CDRT4: variants seen among roughly 807,000 people sequenced by gnomAD.
CDRT4 encodes CMT1A duplicated region transcript 4 protein.
For missense variants in CDRT4, 167 were observed against 193.1 expected, an observed-to-expected ratio of 0.87 and a Z score of 0.80; for synonymous variants, 64 against 69.6, an observed-to-expected ratio of 0.92 and a Z score of 0.40.
chr17:15,448,923 G>A (rs1484855438), intron 2 of CDRT4, among the ~76,000 whole-genome samples: 1 of 152,174 alleles, frequency 6.6e-6, no homozygotes, highest in Non-Finnish European at 1.5e-5. Context: ...CAGCCCAGCA[G>A]TCCTTGACCT....
chr17:15,465,136 CAA>C (rs1491433266), intron 1 of CDRT4, among the ~76,000 whole-genome samples: 2 of 109,028 alleles, frequency 1.8e-5, no homozygotes, highest in Non-Finnish European at 3.3e-5. Context: ...CACACAGATA[CAA>C]ACACAGACAC....
In CDRT4 at chr17:15,464,287, T is replaced by G. The variant is rs1293949975; in HGVS notation, c.-130+3173A>C. Among the ~76,000 whole-genome samples, 1 of 152,044 alleles carries G rather than the reference T, an allele frequency of 6.6e-6. No individual in the cohort carries two copies. The highest frequency in any genetic ancestry group is 2.4e-5 in the African/African-American group (1 of 41,354). On this transcript the variant is annotated intron_variant, in intron 1 of 3. Coordinates refer to ENST00000619038, the MANE Select transcript of CDRT4 (RefSeq NM_001204477.2). The surrounding 1 kb of genome is among the most constrained non-coding windows in gnomAD (Gnocchi z 4.5). ...GCCTTCAGGTTTGAGAGCTGATGCA[T>G]CCATACTCCAAATAGACCTTGAGCC...
chr17:15,456,738 G>A (rs768032473), intron 1 of CDRT4, among the ~76,000 whole-genome samples: 5 of 152,064 alleles, frequency 3.3e-5, no homozygotes, highest in Non-Finnish European at 7.4e-5. Context: ...AGAGACTGGC[G>A]CCCCACCAAA....
At chr17:15,463,772 A>T (rs141646379) in intron 1 of CDRT4, among the ~76,000 whole-genome samples, 103 of 152,160 alleles carry the variant, frequency 6.8e-4, no homozygotes, top group African/African-American at 2.3e-3. Flanking sequence ...TCTTCTGAGC[A>T]TCCTCCCGCC....
intron 1 of CDRT4, among the ~76,000 whole-genome samples, chr17:15,459,767 G>A (rs77960935): frequency 0.025 from 3,749 of 152,170 alleles, 154 homozygotes; most frequent in African/African-American, 0.086. Flanking sequence ...CATTTCTAAA[G>A]AGATGCACCA....
intron 3 of CDRT4, among the ~76,000 whole-genome samples, 190 bp downstream of exon 3, chr17:15,440,018 A>G (rs540528298): frequency 6.6e-6 from 1 of 152,142 alleles, no homozygotes; most frequent in African/African-American, 2.4e-5. Flanking sequence ...CAGCACACCA[A>G]CATGTCACAT....
intron 2 of CDRT4, among the ~76,000 whole-genome samples, chr17:15,452,337 C>T (rs1041250222): frequency 2.6e-5 from 4 of 152,204 alleles, no homozygotes; most frequent in Non-Finnish European, 4.4e-5. Flanking sequence ...ATTGCAGTTG[C>T]CTGTTAAGGA....
chr17:15,444,289 G>GA (rs543458851), intron 2 of CDRT4: 27 of 482,866 alleles, frequency 5.6e-5, no homozygotes, highest in East Asian at 1.4e-4. Flanking sequence ...TATTGATTTG[G>GA]AAAAAAAATG....
intron 1 of CDRT4, among the ~76,000 whole-genome samples, chr17:15,456,319 G>C (rs1206473833): frequency 1.3e-5 from 2 of 152,148 alleles, no homozygotes; most frequent in Admixed American, 1.3e-4. Flanking sequence ...CGGGGGGAAG[G>C]CTCAGAGATG....
chr17:15,466,236 A>G (rs768418513), intron 1 of CDRT4, among the ~76,000 whole-genome samples: 1 of 152,174 alleles, frequency 6.6e-6, no homozygotes, highest in Non-Finnish European at 1.5e-5. Context: ...TGCCTCTCTC[A>G]TACTGACTCA....
At chr17:15,442,429 A>C (rs1376101316) in intron 2 of CDRT4, among the ~76,000 whole-genome samples, 1 of 150,960 alleles carries the variant, frequency 6.6e-6, no homozygotes, top group African/African-American at 2.4e-5. Flanking sequence ...AAAAAAAAAG[A>C]AAGAAAGAAA....
chr17:15,437,777 T>C lies in CDRT4; in HGVS notation c.455A>G (p.Tyr152Cys), dbSNP rs1274386203. The C allele has an allele frequency of 6.2e-7, 1 of 1,613,118 alleles. No individual in the cohort carries two copies. The highest frequency in any genetic ancestry group is 8.5e-7 in the Non-Finnish European group (1 of 1,179,096). ...TTGCATGTTTCTCCTTGTTGGTCAGTAGCGAACTGTAGGGAGCATCCTCAT... is the reference window on the plus strand; with the variant it reads ...TTGCATGTTTCTCCTTGTTGGTCAGCAGCGAACTGTAGGGAGCATCCTCAT... ...PMMRMLPTVR[Y>C] Residue 152 changes from tyrosine to cysteine, a missense_variant, in exon 4 of 4, where the codon TAC becomes TGC. Tyr to Cys is a radical substitution (Grantham distance 194). Transcript: ENST00000619038.
At position 15,437,963 on chromosome 17, in the gene CDRT4, A is replaced by G. The variant is rs1270313084; in HGVS notation, c.269T>C (p.Phe90Ser). The part of the protein sequence containing the change: ...KSSKSSGKAV[F>S]RDTLSESTLS... ...CGTGGATTCTGACAGCGTGTCCCTGAACACAGCTTTGCCAGAAGACTTGGA... is the reference window on the plus strand; with the variant it reads ...CGTGGATTCTGACAGCGTGTCCCTGGACACAGCTTTGCCAGAAGACTTGGA... Residue 90 changes from phenylalanine to serine, a missense_variant, in exon 4 of 4, where the codon TTC (phenylalanine) becomes TCC (serine). By Grantham distance (155) the Phe-to-Ser change is radical (BLOSUM62 -2). Coordinates refer to ENST00000619038, the MANE Select transcript of CDRT4 (RefSeq NM_001204477.2). The G allele has an allele frequency of 6.2e-7, 1 of 1,614,066 alleles. No individual in the cohort carries two copies. Among genetic ancestry groups the G allele is most frequent in the Non-Finnish European group, 8.5e-7 (1 of 1,180,054 alleles).
intron 1 of CDRT4, among the ~76,000 whole-genome samples, chr17:15,458,108 T>C (rs994482578): frequency 6.6e-6 from 1 of 152,218 alleles, no homozygotes. Context: ...ATGTGTGTGC[T>C]GCATGGGATG....
At chr17:15,441,711 G>A (rs1447096883) in intron 2 of CDRT4, among the ~76,000 whole-genome samples, 1 of 152,104 alleles carries the variant, frequency 6.6e-6, no homozygotes, top group Non-Finnish European at 1.5e-5. Flanking sequence ...ATCTAACAAA[G>A]GATGGCATCC....
chr17:15,457,769 G>A (rs1282015337), intron 1 of CDRT4, among the ~76,000 whole-genome samples: 1 of 152,164 alleles, frequency 6.6e-6, no homozygotes, highest in Non-Finnish European at 1.5e-5. Flanking sequence ...GACAGGGAGG[G>A]CCAGGAGGGG....
intron 2 of CDRT4, chr17:15,443,832 C>G: frequency 1.8e-6 from 1 of 562,352 alleles, no homozygotes. Flanking sequence ...GAACTGCTAC[C>G]GTTTGGACTA....
chr17:15,458,303 T>A (rs897595012), intron 1 of CDRT4, among the ~76,000 whole-genome samples: 5 of 152,232 alleles, frequency 3.3e-5, no homozygotes, highest in Non-Finnish European at 5.9e-5. Flanking sequence ...TGTGTCACTG[T>A]GTCACCTTTG....
chr17:15,445,305 C>A (rs1288363617), intron 2 of CDRT4, among the ~76,000 whole-genome samples: 2 of 152,166 alleles, frequency 1.3e-5, no homozygotes. Flanking sequence ...ACAGATTGTT[C>A]AACCCAGGAG....
Sources: allele counts gnomAD v4.1 joint callset (sites outside exome capture counted in the v4.1 genomes callset), GRCh38; gene constraint gnomAD v4.1.1; non-coding constraint Gnocchi (gnomAD v3.1); transcripts MANE v1.5; gene names NCBI Gene and HGNC (gene_info 2026-07-23, HGNC 2026-07-21).